Variants in RPS6KC1 observed in about 807,000 individuals in gnomAD.
RPS6KC1 encodes inactive ribosomal protein S6 kinase delta-1.
Under a neutral mutation model 103.8 loss-of-function variants are expected in RPS6KC1, and 54 were observed. That is an observed-to-expected ratio of 0.52 (90% CI 0.42 to 0.65). The LOEUF (loss-of-function observed/expected upper bound fraction) is 0.65, where lower values mean the gene tolerates loss of function less well. RPS6KC1 is among the 30% of genes least tolerant of loss of function. RPS6KC1 has a pLI of 0.00. For synonymous variants in RPS6KC1, 439 were observed against 438.7 expected, an observed-to-expected ratio of 1.00 and a Z score of -0.01; for missense variants, 1,151 against 1,253.8, an observed-to-expected ratio of 0.92 and a Z score of 1.24.
At chr1:213,841,190 T>C in the RPS6KC1 span, 1 of 152,224 alleles carries the variant, frequency 6.6e-6, no homozygotes, top group Non-Finnish European at 1.5e-5. Context: ...TCACATGAAC[T>C]ACGGATGATT....
the RPS6KC1 span, among the ~76,000 whole-genome samples, chr1:213,687,654 A>G: frequency 6.6e-6 from 1 of 152,190 alleles, no homozygotes; most frequent in African/African-American, 2.4e-5. Context: ...AATATACAAG[A>G]GGGTCTCTAG....
At chr1:213,800,363 C>T in the RPS6KC1 span, among the ~76,000 whole-genome samples, 13 of 152,174 alleles carry the variant, frequency 8.5e-5, no homozygotes, top group Admixed American at 2.0e-4. Context: ...CTTCCTAAGA[C>T]GATGCTCCCT....
At chr1:213,198,355 T>G (rs2093031294) in intron 8 of RPS6KC1, among the ~76,000 whole-genome samples, 1 of 152,212 alleles carries the variant, frequency 6.6e-6, no homozygotes, top group Admixed American at 6.5e-5. Flanking sequence ...TATAGGTTAC[T>G]TGATGCTTTT....
the RPS6KC1 span, among the ~76,000 whole-genome samples, chr1:213,796,447 G>A: frequency 1.3e-5 from 2 of 152,108 alleles, no homozygotes; most frequent in Admixed American, 1.3e-4. Context: ...TGTTCAGAGA[G>A]GCGTTTTGTA....
intron 1 of RPS6KC1, among the ~76,000 whole-genome samples, chr1:213,052,275 A>G (rs1318689239): frequency 6.6e-6 from 1 of 152,242 alleles, no homozygotes; most frequent in East Asian, 1.9e-4. Flanking sequence ...GCATGAATAT[A>G]TGTGTATAGT....
At chr1:213,298,537 G>GT in the RPS6KC1 span, among the ~76,000 whole-genome samples, 2 of 151,932 alleles carry the variant, frequency 1.3e-5, no homozygotes, top group Admixed American at 1.3e-4. Context: ...TATGTTTGCT[G>GT]TTTTTTTGAG....
chr1:213,413,554 G>A, the RPS6KC1 span, among the ~76,000 whole-genome samples: 1 of 152,184 alleles, frequency 6.6e-6, no homozygotes, highest in African/African-American at 2.4e-5. Context: ...CATGTGGCTG[G>A]CAAGTGTGAG....
the RPS6KC1 span, among the ~76,000 whole-genome samples, chr1:213,814,254 T>C: frequency 2.0e-5 from 3 of 152,168 alleles, no homozygotes; most frequent in Non-Finnish European, 4.4e-5. Flanking sequence ...GCTCTAGAAT[T>C]CTTTCTTGGA....
At chr1:213,310,018 A>G in the RPS6KC1 span, among the ~76,000 whole-genome samples, 1 of 152,074 alleles carries the variant, frequency 6.6e-6, no homozygotes, top group Non-Finnish European at 1.5e-5. Flanking sequence ...CATTCCACCT[A>G]TAAGCAAATC....
At chr1:213,714,110 C>G in the RPS6KC1 span, among the ~76,000 whole-genome samples, 2 of 152,194 alleles carry the variant, frequency 1.3e-5, no homozygotes, top group Non-Finnish European at 2.9e-5. Flanking sequence ...CCTCTCAATT[C>G]GTTATCTCTG....
intron 5 of RPS6KC1, among the ~76,000 whole-genome samples, chr1:213,124,501 G>A (rs552968981): frequency 3.3e-5 from 5 of 152,160 alleles, no homozygotes; most frequent in South Asian, 4.1e-4. Flanking sequence ...TTTGCGTTTC[G>A]TATGATATTT....
chr1:213,210,747 C>T (rs1173240608), intron 8 of RPS6KC1, among the ~76,000 whole-genome samples: 1 of 152,182 alleles, frequency 6.6e-6, no homozygotes, highest in African/African-American at 2.4e-5. Context: ...ACTCACTGAA[C>T]ACATTTAAAA....
the RPS6KC1 span, among the ~76,000 whole-genome samples, chr1:213,445,286 G>A: frequency 5.3e-5 from 8 of 152,108 alleles, no homozygotes; most frequent in Admixed American, 1.3e-4. Flanking sequence ...ATGCTTCTGC[G>A]AACATTTCAT....
the RPS6KC1 span, among the ~76,000 whole-genome samples, chr1:213,768,431 A>T: frequency 1.3e-5 from 2 of 152,202 alleles, no homozygotes; most frequent in Non-Finnish European, 2.9e-5. Context: ...GAGAGGGAGG[A>T]AGGGGAATTT....
intron 1 of RPS6KC1, among the ~76,000 whole-genome samples, chr1:213,056,190 C>T (rs1328830470): frequency 6.6e-6 from 1 of 152,148 alleles, no homozygotes; most frequent in African/African-American, 2.4e-5. Context: ...CTTACTGAGT[C>T]AAGCAGTTTA....
chr1:213,383,761 G>C, the RPS6KC1 span, among the ~76,000 whole-genome samples: 1 of 147,980 alleles, frequency 6.8e-6, no homozygotes, highest in Non-Finnish European at 1.5e-5. Context: ...TTCCCTGCAT[G>C]CACACGCACA....
chr1:213,076,621 T>C (rs1049261852), intron 2 of RPS6KC1, among the ~76,000 whole-genome samples: 3 of 152,220 alleles, frequency 2.0e-5, no homozygotes, highest in South Asian at 4.1e-4. Context: ...AAAGTGGTTT[T>C]TTTTTTTAGA....
At chr1:213,586,399 C>G in the RPS6KC1 span, among the ~76,000 whole-genome samples, 5 of 152,310 alleles carry the variant, frequency 3.3e-5, no homozygotes, top group East Asian at 9.7e-4. Context: ...ATCTGGGAGC[C>G]TGTAAAAACT....
At chr1:213,349,320 A>T in the RPS6KC1 span, among the ~76,000 whole-genome samples, 1 of 152,086 alleles carries the variant, frequency 6.6e-6, no homozygotes, top group Non-Finnish European at 1.5e-5. Context: ...CTCTGCCTAT[A>T]CCCTATCCAC....
Sources: gnomAD v4.1 joint callset for allele counts (sites outside exome capture counted in the v4.1 genomes callset) on GRCh38, gnomAD v4.1.1 for gene constraint, MANE v1.5 for transcripts, NCBI Gene and HGNC (gene_info 2026-07-23, HGNC 2026-07-21) for gene names.